The following THSD7B variants were observed in gnomAD, a reference collection of about 807,000 sequenced individuals.
The protein encoded by THSD7B is thrombospondin type 1 domain containing 7B, also known as thrombospondin type-1 domain-containing protein 7B.
Under a neutral mutation model 213.6 loss-of-function variants are expected in THSD7B, and 138 were observed. That is an observed-to-expected ratio of 0.65 (90% CI 0.56 to 0.74). The LOEUF is 0.74. Ranked by LOEUF, THSD7B falls within the 30% of genes least tolerant of loss-of-function variation. THSD7B has a pLI of 0.00. For missense variants in THSD7B, 1,931 were observed against 1,991.5 expected (o/e 0.97, Z 0.58); for synonymous variants, 742 against 687.0 (o/e 1.08, Z -1.25).
At chr2:137,151,530 A>T (rs1679818115) in intron 5 of THSD7B, among the ~76,000 whole-genome samples, 1 of 151,962 alleles carries the variant, frequency 6.6e-6, no homozygotes, top group African/African-American at 2.4e-5. Context: ...AAAGTATAAA[A>T]AAAAAAAACA....
intron 10 of THSD7B, among the ~76,000 whole-genome samples, chr2:137,265,676 G>A (rs781225644): frequency 3.9e-5 from 6 of 152,138 alleles, no homozygotes; most frequent in Non-Finnish European, 5.9e-5. Flanking sequence ...AGTGCAGTCC[G>A]TCTACCTTTT....
chr2:137,413,053 T>C lies in THSD7B; in HGVS notation c.2959+1181T>C, dbSNP rs368256305. On this transcript the variant is annotated intron_variant, in intron 14 of 27. Transcript: ENST00000409968. Reference sequence around the variant, plus strand: ...AATGTACAAGCTAAGTAAATGATAGTTCTTCTTTATTGCCAGTGTACTAGC... The same window carrying C: ...AATGTACAAGCTAAGTAAATGATAGCTCTTCTTTATTGCCAGTGTACTAGC... 1.2e-4 allele frequency among the ~76,000 whole-genome samples: 19 copies of C among 152,268 alleles called. No homozygotes were observed. The East Asian group carries it at 1.9e-3, about 15-fold the overall frequency.
intron 14 of THSD7B, among the ~76,000 whole-genome samples, chr2:137,417,915 C>T (rs1686834354): frequency 6.6e-6 from 1 of 152,152 alleles, no homozygotes; most frequent in African/African-American, 2.4e-5. Flanking sequence ...GAAATTCTTG[C>T]CAAATGACTC....
intron 12 of THSD7B, among the ~76,000 whole-genome samples, chr2:137,317,652 T>C (rs1371499020): frequency 3.7e-4 from 57 of 152,192 alleles, no homozygotes; most frequent in Non-Finnish European, 5.9e-5. Context: ...GATATAATTA[T>C]GCCTATAATC....
At chr2:137,569,745 G>T (rs1681315396) in intron 16 of THSD7B, among the ~76,000 whole-genome samples, 1 of 151,868 alleles carries the variant, frequency 6.6e-6, no homozygotes, top group South Asian at 2.1e-4. Flanking sequence ...TCTTGTACTT[G>T]TCCTCTCCCA....
chr2:137,617,019 C>A (rs1007734572), intron 18 of THSD7B, among the ~76,000 whole-genome samples: 2 of 147,426 alleles, frequency 1.4e-5, no homozygotes, highest in Non-Finnish European at 1.5e-5. Flanking sequence ...AAAGCAATTG[C>A]CTTTTCTGAA....
At chr2:137,064,957 T>C (rs1319435301) in intron 3 of THSD7B, among the ~76,000 whole-genome samples, 1 of 152,046 alleles carries the variant, frequency 6.6e-6, no homozygotes, top group African/African-American at 2.4e-5. Flanking sequence ...CCAGTTTTTT[T>C]TTTGTTGTTG....
At chr2:137,093,114 A>G (rs1167009133) in intron 3 of THSD7B, among the ~76,000 whole-genome samples, 1 of 152,230 alleles carries the variant, frequency 6.6e-6, no homozygotes, top group African/African-American at 2.4e-5. Flanking sequence ...AAGGAACAGA[A>G]TGCCAATTAA....
At chr2:137,281,627 C>A (rs917407521) in intron 12 of THSD7B, among the ~76,000 whole-genome samples, 1 of 133,740 alleles carries the variant, frequency 7.5e-6, no homozygotes, top group East Asian at 2.5e-4. Context: ...TTGTTCAATT[C>A]CCACCTATGA....
At chr2:136,849,025 TGAG>T (rs1459439984) in intron 1 of THSD7B, among the ~76,000 whole-genome samples, 2 of 152,124 alleles carry the variant, frequency 1.3e-5, no homozygotes, top group African/African-American at 4.8e-5. Context: ...ATTTCCAAGA[TGAG>T]GAGGTTGATA....
At chr2:137,521,530 T>G (rs1170158817) in intron 15 of THSD7B, among the ~76,000 whole-genome samples, 1 of 152,186 alleles carries the variant, frequency 6.6e-6, no homozygotes, top group East Asian at 1.9e-4. Context: ...CTTTCTCTTC[T>G]TGTTGGACTC....
chr2:137,628,650 A>G (rs74800053), intron 20 of THSD7B, among the ~76,000 whole-genome samples: 4,482 of 152,284 alleles, frequency 0.029, 167 homozygotes, highest in African/African-American at 0.088. Context: ...TAAGCACTAC[A>G]GTGTTGTCCT....
At chr2:137,467,935 C>G (rs1331543175) in intron 15 of THSD7B, among the ~76,000 whole-genome samples, 1 of 152,162 alleles carries the variant, frequency 6.6e-6, no homozygotes, top group Admixed American at 6.5e-5. Context: ...TTTCTCTGAC[C>G]TCTGTAACTA....
chr2:137,358,026 CT>C (rs928142537), intron 12 of THSD7B, among the ~76,000 whole-genome samples: 28 of 152,300 alleles, frequency 1.8e-4, no homozygotes, highest in African/African-American at 6.5e-4. Context: ...AACACTTTCC[CT>C]TTTTTATGGT....
At chr2:137,555,149 C>A (rs779160189) in intron 15 of THSD7B, among the ~76,000 whole-genome samples, 2 of 152,190 alleles carry the variant, frequency 1.3e-5, no homozygotes, top group African/African-American at 4.8e-5. Context: ...GCAACAGAAA[C>A]CTCTGCAGAC....
rs141345529 is a variant in THSD7B, at chr2:137,645,489, A to T, written c.3945+2856A>T. On this transcript the variant is annotated intron_variant, in intron 21 of 27. Transcript: ENST00000409968. The stretch of plus-strand genomic sequence containing the variant: ...GTTTGCTTTATGACAGAAATTATTA[A>T]TCTGATGCTGATTTCTCTTTACATT... Among the ~76,000 whole-genome samples, 250 of 152,294 alleles carry T rather than the reference A, an allele frequency of 1.6e-3. 1 individual carries two copies. The highest frequency in any genetic ancestry group is 5.7e-3 in the African/African-American group (238 of 41,562).
At chr2:136,915,645 G>A (rs1480302982) in intron 2 of THSD7B, among the ~76,000 whole-genome samples, 2 of 152,162 alleles carry the variant, frequency 1.3e-5, no homozygotes, top group African/African-American at 2.4e-5. Flanking sequence ...GGTTGGTGCT[G>A]TTAGCATTTC....
Position 137,283,746 on chromosome 2 carries a change from A to G in THSD7B, c.2500+7720A>G, listed in dbSNP as rs1284784112. ...AACCAGCCTTGCATCCCAGGAATGA[A>G]GCCCACTTGATCATGGTGGATAAGC... On this transcript the variant is annotated intron_variant, in intron 12 of 27. Coordinates refer to ENST00000409968, the MANE Select transcript of THSD7B (RefSeq NM_001316349.2). Among the ~76,000 whole-genome samples, 5 of 152,172 alleles carry G rather than the reference A, an allele frequency of 3.3e-5. No homozygotes were observed. In the East Asian group the frequency reaches 9.6e-4, roughly 29 times the overall value.
intron 5 of THSD7B, among the ~76,000 whole-genome samples, chr2:137,130,394 A>ATTT (rs1688707482): frequency 1.3e-5 from 2 of 151,982 alleles, no homozygotes; most frequent in South Asian, 4.2e-4. Context: ...TATTATTATT[A>ATTT]TACTTTAAGT....
Sources: allele counts gnomAD v4.1 joint callset (sites outside exome capture counted in the v4.1 genomes callset), GRCh38; gene constraint gnomAD v4.1.1; transcripts MANE v1.5; gene names NCBI Gene and HGNC (gene_info 2026-07-23, HGNC 2026-07-21).